Variants in MACF1 observed in about 807,000 individuals in gnomAD.
MACF1 encodes microtubule actin crosslinking factor 1.
MACF1 carries 193 observed loss-of-function variants against 854.8 expected under a neutral mutation model. The observed-to-expected ratio is 0.23, with a 90% CI of 0.20 to 0.25. MACF1 has a LOEUF of 0.25. Ranked by LOEUF, MACF1 falls within the 10% of genes least tolerant of loss-of-function variation. The probability of loss-of-function intolerance (pLI) is 1.00; values close to 1 mark genes in which losing one functional copy is unlikely to be tolerated. For synonymous variants in MACF1, 3,185 were observed against 3,226.7 expected (o/e 0.99, Z 0.44); for missense variants, 7,722 against 8,929.1 (o/e 0.86, Z 5.45).
intron 2 of MACF1, among the ~76,000 whole-genome samples, chr1:39,164,992 T>C (rs978038034): frequency 1.3e-5 from 2 of 152,202 alleles, no homozygotes; most frequent in East Asian, 3.8e-4. Context: ...TGTTTCTGAC[T>C]TGGAGTGGAC....
chr1:39,137,497 C>G (rs1643208296), intron 2 of MACF1, among the ~76,000 whole-genome samples: 1 of 152,194 alleles, frequency 6.6e-6, no homozygotes, highest in African/African-American at 2.4e-5. Context: ...TCTCAAGTAT[C>G]TGAGACTACA....
intron 67 of MACF1, 72 bp from the exon 68 acceptor site, chr1:39,432,976 A>G: frequency 9.4e-6 from 9 of 954,692 alleles, no homozygotes; most frequent in Non-Finnish European, 1.3e-5. Flanking sequence ...TTTTTCATAG[A>G]TTTTGTCTTA....
rs1642203316 is a variant in MACF1, at chr1:39,105,414, C to G, written c.220+20976C>G. On this transcript the variant is annotated intron_variant, in intron 2 of 93. Transcript: ENST00000361689. The surrounding 1 kb of genome is among the most constrained non-coding windows in gnomAD (Gnocchi z 5.9). The stretch of plus-strand genomic sequence containing the variant: ...GAGGACGCGGAAACGCGAGCCGGGA[C>G]CGGCGGAGCGCGAGCGGGCCGGGTG... 1.0e-5 allele frequency: 10 copies of G among 987,396 alleles called. No individual in the cohort carries two copies. In the East Asian group the frequency reaches 5.6e-4, roughly 56 times the overall value. 61.2% of individuals were successfully genotyped at this position (987,396 alleles called of 1,614,324 possible). A position where few individuals can be genotyped will look rare whatever the true frequency, so the allele number is the denominator to read the frequency against.
chr1:39,450,133 A>C (rs1243219409), intron 84 of MACF1, among the ~76,000 whole-genome samples: 3 of 151,952 alleles, frequency 2.0e-5, no homozygotes, highest in Non-Finnish European at 4.4e-5. Context: ...AAGTGCTGGG[A>C]TTACAGGTGT....
intron 2 of MACF1, among the ~76,000 whole-genome samples, chr1:39,196,336 T>C (rs927231212): frequency 2.6e-5 from 4 of 152,346 alleles, no homozygotes; most frequent in Admixed American, 6.5e-5. Context: ...GAATGTTCTT[T>C]GTAGACATTC....
rs561480406 is a variant in MACF1 at position 39,417,248 on chromosome 1, A to G, written c.15817-5126A>G. On this transcript the variant is annotated intron_variant, in intron 58 of 100. Transcript: ENST00000564288. ...CAAAAACTCGTTTGCTTTTTCTGTA[A>G]TGGGATCTGAGGCCTACTGAGACCA... Among the ~76,000 whole-genome samples the G allele has an allele frequency of 2.9e-4, 44 of 152,338 alleles. 1 individual carries two copies. Among genetic ancestry groups the G allele is most frequent in the African/African-American group, 1.1e-3 (44 of 41,570 alleles).
intron 1 of MACF1, chr1:39,215,437 T>G (rs1407241360): frequency 8.0e-6 from 1 of 124,506 alleles, no homozygotes; most frequent in Non-Finnish European, 1.8e-5. Context: ...TGGGTTAGTA[T>G]GTGAAGTTTT....
intron 2 of MACF1, among the ~76,000 whole-genome samples, chr1:39,178,094 G>A (rs1557500201): frequency 6.6e-6 from 1 of 151,718 alleles, no homozygotes; most frequent in Non-Finnish European, 1.5e-5. Context: ...TCCAGGAGAG[G>A]AGTATGAGGT....
chr1:39,118,989 G>A (rs1483708390), intron 2 of MACF1, among the ~76,000 whole-genome samples: 1 of 152,034 alleles, frequency 6.6e-6, no homozygotes, highest in East Asian at 1.9e-4. Context: ...TCTAGAAATT[G>A]GAAAACTAAA....
intron 80 of MACF1, among the ~76,000 whole-genome samples, chr1:39,446,241 A>G (rs1268045203): frequency 6.6e-6 from 1 of 152,084 alleles, no homozygotes; most frequent in East Asian, 1.9e-4. Flanking sequence ...GTAAGAAAAT[A>G]TAAAGAATAT....
intron 6 of MACF1, among the ~76,000 whole-genome samples, chr1:39,268,264 A>G (rs1433446735): frequency 6.6e-6 from 1 of 150,408 alleles, no homozygotes; most frequent in African/African-American, 2.5e-5. Flanking sequence ...TTTTCCCTCC[A>G]TTTTCAATTT....
chr1:39,284,324 AT>A lies in MACF1; in HGVS notation c.1036-5del. 1 of 1,574,238 alleles carries A rather than the reference AT, an allele frequency of 6.4e-7. No homozygotes were observed. The highest frequency in any genetic ancestry group is 2.2e-5 in the East Asian group (1 of 44,714). ...GTGTCCATTTATTCACCAAATATTA[AT>A]TTTATAGGCACTTTATAACCAATAT... On this transcript the variant is annotated splice_region_variant and splice_polypyrimidine_tract_variant and intron_variant, in intron 10 of 100. Coordinates refer to ENST00000564288, the MANE Select transcript of MACF1 (RefSeq NM_001394062.1).
chr1:39,418,894 A>T (rs1351724476), intron 58 of MACF1, among the ~76,000 whole-genome samples: 2 of 152,104 alleles, frequency 1.3e-5, no homozygotes, highest in Admixed American at 6.5e-5. Flanking sequence ...CAAAGATAAA[A>T]GTGTTTTAAG....
At chr1:39,447,623 A>T in intron 81 of MACF1, 36 bp downstream of exon 81, 1 of 1,613,544 alleles carries the variant, frequency 6.2e-7, no homozygotes, top group Non-Finnish European at 8.5e-7. Context: ...TTCTTTTTGA[A>T]AGCACTAATT....
chr1:39,385,722 A>G lies in MACF1; in HGVS notation c.14137A>G (p.Ser4713Gly), dbSNP rs1650636136. 1 of 1,614,196 alleles carries G rather than the reference A, an allele frequency of 6.2e-7. No individual in the cohort carries two copies. The highest frequency in any genetic ancestry group is 8.5e-7 in the Non-Finnish European group (1 of 1,180,038). ...GQRLSVQSAI[S>G]TQPEAVKQQL... ...ACGGCTGAGTGTCCAGTCAGCTATC[A>G]GCACCCAACCAGAGGCTGTAAAGCA... Residue 4713 changes from serine to glycine, a missense_variant, in exon 57 of 101, where the codon AGC becomes GGC. By Grantham distance (56) the Ser-to-Gly change is moderately conservative. Coordinates refer to ENST00000564288, the MANE Select transcript of MACF1 (RefSeq NM_001394062.1).
rs767064841 is a variant in MACF1, at chr1:39,213,617, G to A, written c.109+8486G>A. ...CTCCTAAAGTGCTAGGATTACAGGC[G>A]TGAGCCACTGCACTCAGTCTCACTC... is the stretch of plus-strand genomic sequence containing the variant. On this transcript the variant is annotated intron_variant, in intron 1 of 100. Coordinates refer to ENST00000564288, the MANE Select transcript of MACF1 (RefSeq NM_001394062.1). Among the ~76,000 whole-genome samples, 102 of 152,178 alleles carry A rather than the reference G, an allele frequency of 6.7e-4. 2 individuals carry two copies. The highest frequency in any genetic ancestry group is 7.5e-4 in the Non-Finnish European group (51 of 68,050).
At chr1:39,101,684 C>T (rs1642081730) in intron 2 of MACF1, among the ~76,000 whole-genome samples, 1 of 150,702 alleles carries the variant, frequency 6.6e-6, no homozygotes, top group Non-Finnish European at 1.5e-5. Context: ...ATTAGCTGGG[C>T]ATGGTGGCGG....
At chr1:39,150,531 GA>G (rs1048125451) in intron 2 of MACF1, among the ~76,000 whole-genome samples, 5 of 152,144 alleles carry the variant, frequency 3.3e-5, no homozygotes, top group Admixed American at 2.6e-4. Flanking sequence ...CATATTATGG[GA>G]GGGGGAGTGG....
chr1:39,324,835 G>A (rs1646579968), intron 35 of MACF1, 101 bp downstream of exon 35: 4 of 864,312 alleles, frequency 4.6e-6, no homozygotes, highest in Non-Finnish European at 7.5e-6. Context: ...ATTCAGAGCA[G>A]CAAGAGCCAG....
Sources: gnomAD v4.1 joint callset for allele counts (sites outside exome capture counted in the v4.1 genomes callset) on GRCh38, gnomAD v4.1.1 for gene constraint, Gnocchi (gnomAD v3.1) non-coding constraint, MANE v1.5 for transcripts, NCBI Gene and HGNC (gene_info 2026-07-23, HGNC 2026-07-21) for gene names.